Variants in ENTREP2 observed in about 807,000 individuals in gnomAD.
The protein encoded by ENTREP2 is protein ENTREP2.
the ENTREP2 span, among the ~76,000 whole-genome samples, chr15:29,543,693 C>A: frequency 4.0e-4 from 61 of 151,890 alleles, no homozygotes; most frequent in Non-Finnish European, 7.7e-4. Flanking sequence ...GCAGGAGAAT[C>A]GCTTGAACCT....
At chr15:29,555,298 T>C in the ENTREP2 span, among the ~76,000 whole-genome samples, 6 of 152,302 alleles carry the variant, frequency 3.9e-5, no homozygotes, top group African/African-American at 1.4e-4. Flanking sequence ...ACTTTTGTCC[T>C]TTCAATGCCC....
the ENTREP2 span, among the ~76,000 whole-genome samples, chr15:29,294,844 G>A: frequency 2.0e-5 from 3 of 152,206 alleles, no homozygotes; most frequent in Admixed American, 2.0e-4. Context: ...AGAGGCACAG[G>A]TCAAGGTGTC....
chr15:29,234,212 C>T, the ENTREP2 span: 9,752 of 1,609,416 alleles, frequency 6.1e-3, 604 homozygotes, highest in African/African-American at 0.12. Flanking sequence ...AAGGCTCAAA[C>T]GCTTAACTGG....
At chr15:29,123,234 C>G in the ENTREP2 span, 6 of 1,247,938 alleles carry the variant, frequency 4.8e-6, no homozygotes, top group Non-Finnish European at 6.5e-6. Flanking sequence ...CACATTTATC[C>G]TCCGCCAAGC....
the ENTREP2 span, among the ~76,000 whole-genome samples, chr15:29,283,226 G>A: frequency 6.6e-6 from 1 of 152,176 alleles, no homozygotes; most frequent in African/African-American, 2.4e-5. Context: ...GTAGTACCAA[G>A]GACAATTCAG....
chr15:29,510,754 C>T, the ENTREP2 span, among the ~76,000 whole-genome samples: 1 of 148,618 alleles, frequency 6.7e-6, no homozygotes, highest in East Asian at 2.0e-4. Context: ...TTGCAGTGAG[C>T]TGAGATCATG....
chr15:29,229,928 C>T, the ENTREP2 span, among the ~76,000 whole-genome samples: 1 of 151,902 alleles, frequency 6.6e-6, no homozygotes, highest in Non-Finnish European at 1.5e-5. Context: ...GAGATTTCTC[C>T]ATGTGGATAT....
At chr15:29,549,075 C>T in the ENTREP2 span, among the ~76,000 whole-genome samples, 380 of 152,178 alleles carry the variant, frequency 2.5e-3, 2 homozygotes, top group African/African-American at 8.0e-3. Flanking sequence ...TCATGTAAGA[C>T]GAACACTGAG....
At chr15:29,634,662 AC>A in the ENTREP2 span, among the ~76,000 whole-genome samples, 19 of 151,598 alleles carry the variant, frequency 1.3e-4, no homozygotes, top group Middle Eastern at 3.4e-3. Flanking sequence ...GCCCAAGACT[AC>A]CCCCCTTCCC....
chr15:29,426,546 C>CATG, the ENTREP2 span, among the ~76,000 whole-genome samples: 1 of 152,102 alleles, frequency 6.6e-6, no homozygotes. Context: ...ATTTCCCCAT[C>CATG]TTGTCTCATT....
chr15:29,473,824 G>A, the ENTREP2 span, among the ~76,000 whole-genome samples: 11 of 152,110 alleles, frequency 7.2e-5, no homozygotes, highest in Admixed American at 1.3e-4. Context: ...CCCATCTCCC[G>A]GGCTGAATGC....
At chr15:29,628,961 G>A in the ENTREP2 span, among the ~76,000 whole-genome samples, 1 of 152,070 alleles carries the variant, frequency 6.6e-6, no homozygotes, top group Non-Finnish European at 1.5e-5. Context: ...TGTTGGCCAG[G>A]CTGGTCTTGA....
chr15:29,585,248 G>A, the ENTREP2 span, among the ~76,000 whole-genome samples: 1 of 152,064 alleles, frequency 6.6e-6, no homozygotes. Flanking sequence ...ACTTAAACAG[G>A]AGTTTCAACA....
chr15:29,537,349 C>T, the ENTREP2 span, among the ~76,000 whole-genome samples: 1 of 152,186 alleles, frequency 6.6e-6, no homozygotes. Flanking sequence ...CTGCTCCACA[C>T]AGCATGCCGT....
At chr15:29,478,181 C>T in the ENTREP2 span, among the ~76,000 whole-genome samples, 12 of 151,290 alleles carry the variant, frequency 7.9e-5, no homozygotes, top group South Asian at 1.7e-3. Flanking sequence ...CCCGTCACCA[C>T]GCCCGGCTAA....
chr15:29,600,105 G>A, the ENTREP2 span, among the ~76,000 whole-genome samples: 14 of 152,338 alleles, frequency 9.2e-5, no homozygotes, highest in South Asian at 4.1e-4. Context: ...GACAGAAGGT[G>A]CCCATGGCAC....
chr15:29,517,357 C>T, the ENTREP2 span, among the ~76,000 whole-genome samples: 3 of 152,150 alleles, frequency 2.0e-5, no homozygotes, highest in East Asian at 5.8e-4. Flanking sequence ...CAGAGGGAAA[C>T]TGAGTCACAG....
At chr15:29,271,374 G>A in the ENTREP2 span, among the ~76,000 whole-genome samples, 1 of 152,172 alleles carries the variant, frequency 6.6e-6, no homozygotes, top group African/African-American at 2.4e-5. Context: ...TGTGGATGTT[G>A]TATTGAGGGA....
chr15:29,382,191 G>A, the ENTREP2 span, among the ~76,000 whole-genome samples: 1 of 151,760 alleles, frequency 6.6e-6, no homozygotes, highest in Non-Finnish European at 1.5e-5. Context: ...GAACCTGGGA[G>A]GCAGAGGTTG....
Sources: gnomAD v4.1 joint callset for allele counts (sites outside exome capture counted in the v4.1 genomes callset) on GRCh38, gnomAD v4.1.1 for gene constraint, MANE v1.5 for transcripts, NCBI Gene and HGNC (gene_info 2026-07-23, HGNC 2026-07-21) for gene names.